ATE1: variants seen among roughly 807,000 people sequenced by gnomAD.
ATE1 encodes arginyltransferase 1.
A neutral mutation model predicts 70.5 loss-of-function variants in ATE1; 36 were observed. The observed-to-expected ratio is 0.51, with a 90% CI of 0.39 to 0.67. ATE1 has a LOEUF of 0.67. Ranked by LOEUF, ATE1 falls within the 30% of genes least tolerant of loss-of-function variation. The pLI, the probability that ATE1 is intolerant of heterozygous loss-of-function variation, is 0.00. For synonymous variants in ATE1, 232 were observed against 219.3 expected (o/e 1.06, Z -0.51); for missense variants, 593 against 629.5 (o/e 0.94, Z 0.62).
chr10:121,792,752 T>G, intron 10 of ATE1, among the ~76,000 whole-genome samples: 1 of 152,184 alleles, frequency 6.6e-6, no homozygotes, highest in Middle Eastern at 3.2e-3. Context: ...CTTCTAAGTC[T>G]GTTTTTTCCT....
At chr10:121,757,964 T>C (rs1477566894) in intron 11 of ATE1, among the ~76,000 whole-genome samples, 1 of 152,246 alleles carries the variant, frequency 6.6e-6, no homozygotes, top group Non-Finnish European at 1.5e-5. Flanking sequence ...TCCAGCCTAC[T>C]GAAGTATTTT....
At chr10:121,810,711 T>G (rs78508424) in intron 10 of ATE1, among the ~76,000 whole-genome samples, 1 of 152,082 alleles carries the variant, frequency 6.6e-6, no homozygotes, top group African/African-American at 2.4e-5. Flanking sequence ...AATTTTTTTT[T>G]GTTTTTGTTG....
chr10:121,832,296 A>G (rs1424347853), intron 10 of ATE1, among the ~76,000 whole-genome samples: 4 of 152,210 alleles, frequency 2.6e-5, no homozygotes, highest in Non-Finnish European at 5.9e-5. Context: ...CCTGAGCTCA[A>G]AGAGACTTTT....
chr10:121,820,755 C>T (rs1312407291), intron 10 of ATE1, among the ~76,000 whole-genome samples: 2 of 152,148 alleles, frequency 1.3e-5, no homozygotes, highest in African/African-American at 4.8e-5. Context: ...CATCATAATA[C>T]AAATAATTTA....
At chr10:121,882,265 C>T (rs537159676) in intron 7 of ATE1, among the ~76,000 whole-genome samples, 5 of 151,964 alleles carry the variant, frequency 3.3e-5, no homozygotes, top group South Asian at 4.2e-4. Flanking sequence ...TTAATTCAGA[C>T]GAATATTTGA....
chr10:121,803,858 G>C (rs1946991335), intron 10 of ATE1, among the ~76,000 whole-genome samples: 1 of 152,152 alleles, frequency 6.6e-6, no homozygotes, highest in South Asian at 2.1e-4. Context: ...TGTAATCTTT[G>C]GTAATCATTC....
At chr10:121,774,525 A>G (rs555500651) in intron 11 of ATE1, among the ~76,000 whole-genome samples, 4 of 152,224 alleles carry the variant, frequency 2.6e-5, no homozygotes, top group Non-Finnish European at 5.9e-5. Flanking sequence ...CTGGATTTAT[A>G]AGGTCAGTAC....
intron 7 of ATE1, among the ~76,000 whole-genome samples, chr10:121,890,411 G>A (rs1950541122): frequency 6.6e-6 from 1 of 152,052 alleles, no homozygotes; most frequent in African/African-American, 2.4e-5. Context: ...GATATATAAT[G>A]GATGTTAAAA....
At position 121,849,868 on chromosome 10, in the gene ATE1, A is replaced by C. The variant is rs71484687; in HGVS notation, c.976-8605T>G. On this transcript the variant is annotated intron_variant, in intron 8 of 11. Coordinates refer to ENST00000224652, the MANE Select transcript of ATE1 (RefSeq NM_001001976.3). ...ACGCCTAGCTAAGAAATTCAGGAAA[A>C]AAAAAAAAATTCAGTGCCTGCCCTC... Among the ~76,000 whole-genome samples, 849 of 152,290 alleles carry C rather than the reference A, an allele frequency of 5.6e-3. 5 individuals are homozygous for C. The highest frequency in any genetic ancestry group is 0.01 in the Non-Finnish European group (701 of 68,022).
intron 10 of ATE1, among the ~76,000 whole-genome samples, chr10:121,793,431 T>G (rs1186933317): frequency 1.3e-5 from 2 of 152,212 alleles, no homozygotes; most frequent in Admixed American, 1.3e-4. Context: ...TTAACTTTTA[T>G]AGTGTCAAAT....
intron 11 of ATE1, among the ~76,000 whole-genome samples, chr10:121,770,744 A>T (rs1163034243): frequency 6.6e-6 from 1 of 151,982 alleles, no homozygotes; most frequent in African/African-American, 2.4e-5. Flanking sequence ...TAAAAAAAAA[A>T]AAAAAAACTC....
At chr10:121,774,404 C>T (rs1472622574) in intron 11 of ATE1, among the ~76,000 whole-genome samples, 1 of 152,072 alleles carries the variant, frequency 6.6e-6, no homozygotes, top group Non-Finnish European at 1.5e-5. Flanking sequence ...GAAAATTAAG[C>T]AATGTCATTA....
chr10:121,812,212 T>C (rs1947353188), intron 10 of ATE1, among the ~76,000 whole-genome samples: 1 of 152,018 alleles, frequency 6.6e-6, no homozygotes, highest in East Asian at 1.9e-4. Flanking sequence ...TGCTTTGGCC[T>C]CCCAAAGTGC....
In ATE1 at chr10:121,811,597, A is replaced by T. The variant is rs555996023; in HGVS notation, c.1258-21308T>A. 2.0e-5 allele frequency among the ~76,000 whole-genome samples: 3 copies of T among 152,330 alleles called. No individual in the cohort carries two copies. In the South Asian group the frequency reaches 6.2e-4, roughly 32 times the overall value. On this transcript the variant is annotated intron_variant, in intron 10 of 11. Transcript: ENST00000224652. Reference sequence around the variant, plus strand: ...TGTGACGTTTCCAAAGCAGACCTGGATTAACAAAACCATACCTTTCCCCAT... The same window carrying T: ...TGTGACGTTTCCAAAGCAGACCTGGTTTAACAAAACCATACCTTTCCCCAT...
intron 10 of ATE1, among the ~76,000 whole-genome samples, chr10:121,833,414 T>C (rs1168629228): frequency 1.3e-5 from 2 of 152,222 alleles, no homozygotes; most frequent in African/African-American, 4.8e-5. Flanking sequence ...ATACCTACTA[T>C]GTAGCAGGCA....
rs1211420320 is a variant in ATE1, at chr10:121,875,093, C to G, written c.943-5055G>C. ...GACGGAGCTTGCAGTGAGTCGAGAC[C>G]GCACCACTGCACTCCAGCCTGGGCG... On this transcript the variant is annotated intron_variant, in intron 7 of 11. Transcript: ENST00000224652. Among the ~76,000 whole-genome samples, 3 of 145,770 alleles carry G rather than the reference C, an allele frequency of 2.1e-5. No homozygotes were observed. The East Asian group carries it at 6.2e-4, about 30-fold the overall frequency.
chr10:121,815,434 C>T (rs1222449329), intron 10 of ATE1, among the ~76,000 whole-genome samples: 4 of 152,206 alleles, frequency 2.6e-5, no homozygotes, highest in Non-Finnish European at 5.9e-5. Context: ...CGCGCCCGGC[C>T]GGGAATGTTT....
At chr10:121,844,060 AAG>A (rs1431352943) in intron 8 of ATE1, among the ~76,000 whole-genome samples, 2 of 152,242 alleles carry the variant, frequency 1.3e-5, no homozygotes, top group Admixed American at 6.5e-5. Context: ...AAAATATACA[AAG>A]ACTTTCAAAA....
chr10:121,757,167 G>A (rs118037946), intron 11 of ATE1, among the ~76,000 whole-genome samples: 1,928 of 152,210 alleles, frequency 0.013, 17 homozygotes, highest in Non-Finnish European at 0.019. Context: ...AGAAAATTCC[G>A]CCAGTCTCCT....
Sources: allele counts gnomAD v4.1 joint callset (sites outside exome capture counted in the v4.1 genomes callset), GRCh38; gene constraint gnomAD v4.1.1; transcripts MANE v1.5; gene names NCBI Gene and HGNC (gene_info 2026-07-23, HGNC 2026-07-21).